PCDHGA10: variants seen among roughly 807,000 people sequenced by gnomAD.
The protein encoded by PCDHGA10 is protocadherin gamma subfamily A, 10.
In PCDHGA10, 42 loss-of-function variants were observed where a neutral mutation model predicts 59.5. The observed-to-expected ratio is 0.71, with a 90% CI of 0.55 to 0.91. PCDHGA10 has a LOEUF of 0.91. PCDHGA10 is among the 40% of genes least tolerant of loss of function. PCDHGA10 has a pLI of 0.00. For synonymous variants in PCDHGA10, 511 were observed against 517.2 expected (o/e 0.99, Z 0.16); for missense variants, 1,111 against 1,198.2 (o/e 0.93, Z 1.07).
At chr5:141,434,070 T>C (rs1004240895) in intron 1 of PCDHGA10, among the ~76,000 whole-genome samples, 3 of 152,226 alleles carry the variant, frequency 2.0e-5, no homozygotes, top group Non-Finnish European at 2.9e-5. Context: ...TCTGTTAATA[T>C]CAATTATTTA....
Position 141,485,835 on chromosome 5 carries a change from C to T in PCDHGA10, c.2437-8972C>T, listed in dbSNP as rs747722740. On this transcript the variant is annotated intron_variant, in intron 1 of 3. Transcript: ENST00000398610. This position sits in a 1 kb window ranked among gnomAD's most constrained non-coding sequence, Gnocchi z 5.7. ...ACTGCTGTCGATGGAGGGAACCCGC[C>T]GAGATCTGGCACCGCAGAGCTCCGG... 6.2e-7 allele frequency: 1 copy of T among 1,614,190 alleles called. No homozygotes were observed. Among genetic ancestry groups the T allele is most frequent in the Non-Finnish European group, 8.5e-7 (1 of 1,180,048 alleles).
intron 1 of PCDHGA10, among the ~76,000 whole-genome samples, chr5:141,444,402 C>A (rs916833331): frequency 6.6e-6 from 1 of 151,932 alleles, no homozygotes; most frequent in Admixed American, 6.6e-5. Flanking sequence ...AACTCCCAAC[C>A]TCAGGTGATC....
At position 141,432,135 on chromosome 5, in the gene PCDHGA10, C is replaced by T; in HGVS notation, c.2436+16524C>T. On this transcript the variant is annotated intron_variant, in intron 1 of 3. Transcript: ENST00000398610. This position sits in a 1 kb window ranked among gnomAD's most constrained non-coding sequence, Gnocchi z 6.0. ...GTCTTCCCTCAGGCCTCCTATTCCGCTTATATCCCAGAGAACAATCCCAGA... is the reference window on the plus strand; with the variant it reads ...GTCTTCCCTCAGGCCTCCTATTCCGTTTATATCCCAGAGAACAATCCCAGA... The T allele has an allele frequency of 6.2e-7, 1 of 1,614,140 alleles. No homozygotes were observed. Among genetic ancestry groups the T allele is most frequent in the Non-Finnish European group, 8.5e-7 (1 of 1,180,026 alleles).
chr5:141,474,135 G>C (rs1032470573), intron 1 of PCDHGA10, among the ~76,000 whole-genome samples: 2 of 152,062 alleles, frequency 1.3e-5, no homozygotes, highest in Admixed American at 1.3e-4. Context: ...GAAAACTACA[G>C]GCCTTATTAT....
In PCDHGA10 at chr5:141,414,114, T is replaced by C. The variant is rs145910780; in HGVS notation, c.939T>C (p.Tyr313=). The C allele has an allele frequency of 2.0e-5, 32 of 1,592,348 alleles. 2 individuals carry two copies. In the East Asian group the frequency reaches 6.3e-4, roughly 32 times the overall value. The part of the protein sequence containing the change: ...GEIKISENLD[Y]EETGFYEIEI... ...TAAAAATATCAGAAAATCTAGATTA[T>C]GAAGAAACCGGTTTCTATGAAATAG... The change falls in exon 1 of 4, where the codon TAT becomes TAC. Residue 313 remains tyrosine (Y), a synonymous_variant. Coordinates refer to ENST00000398610, the MANE Select transcript of PCDHGA10 (RefSeq NM_018913.3).
chr5:141,499,751 A>G (rs1355923543), intron 2 of PCDHGA10, among the ~76,000 whole-genome samples: 2 of 149,258 alleles, frequency 1.3e-5, no homozygotes, highest in Non-Finnish European at 3.0e-5. Flanking sequence ...CTGTGGCACA[A>G]TCTCAGCTCA....
chr5:141,509,550 T>C (rs1562240751), intron 3 of PCDHGA10, among the ~76,000 whole-genome samples: 1 of 152,142 alleles, frequency 6.6e-6, no homozygotes, highest in Non-Finnish European at 1.5e-5. Flanking sequence ...TCTCATTTAG[T>C]CCTCACAGCA....
intron 1 of PCDHGA10, among the ~76,000 whole-genome samples, chr5:141,453,322 G>A (rs897661534): frequency 6.6e-6 from 1 of 151,544 alleles, no homozygotes; most frequent in Non-Finnish European, 1.5e-5. Flanking sequence ...TTTTAGAGAT[G>A]GGGTCTCACT....
Position 141,477,020 on chromosome 5 carries a change from G to C in PCDHGA10, c.2437-17787G>C, listed in dbSNP as rs1383192345. The C allele has an allele frequency of 6.2e-7, 1 of 1,614,224 alleles. No homozygotes were observed. The highest frequency in any genetic ancestry group is 8.5e-7 in the Non-Finnish European group (1 of 1,180,048). On this transcript the variant is annotated intron_variant, in intron 1 of 3. Coordinates refer to ENST00000398610, the MANE Select transcript of PCDHGA10 (RefSeq NM_018913.3). The surrounding 1 kb of genome is among the most constrained non-coding windows in gnomAD (Gnocchi z 4.9). ...ACTATTCGCCTTAGACCTTGTAACC[G>C]GGATGCTGACAATCAAGGGTCGGCT...
intron 1 of PCDHGA10, among the ~76,000 whole-genome samples, chr5:141,429,387 T>TAA (rs11410533): frequency 2.6e-5 from 4 of 151,334 alleles, no homozygotes; most frequent in African/African-American, 4.9e-5. Flanking sequence ...GTTTTTTTTT[T>TAA]AAAAAAAATT....
chr5:141,492,079 G>C (rs1400390407), intron 1 of PCDHGA10: 3 of 486,286 alleles, frequency 6.2e-6, no homozygotes, highest in South Asian at 4.1e-5. Flanking sequence ...CGCCGGCTCC[G>C]GCACGCTTCG....
At chr5:141,435,052 T>C (rs922871138) in intron 1 of PCDHGA10, among the ~76,000 whole-genome samples, 1 of 152,174 alleles carries the variant, frequency 6.6e-6, no homozygotes, top group African/African-American at 2.4e-5. Context: ...CCATTGACCA[T>C]GCAGCAGTTT....
At chr5:141,433,363 CTA>C (rs2097590674) in intron 1 of PCDHGA10, 2 of 463,314 alleles carry the variant, frequency 4.3e-6, no homozygotes, top group African/African-American at 5.6e-5. Flanking sequence ...GTCTGCCTAT[CTA>C]TCTATCTATC....
rs2154586748 is a variant in PCDHGA10 at position 141,491,733 on chromosome 5, T to A, written c.2437-3074T>A. The A allele has an allele frequency of 6.2e-7, 1 of 1,602,698 alleles. No individual in the cohort carries two copies. Among genetic ancestry groups the A allele is most frequent in the Non-Finnish European group, 8.5e-7 (1 of 1,175,258 alleles). On this transcript the variant is annotated intron_variant, in intron 1 of 3. Transcript: ENST00000398610. The surrounding 1 kb of genome is among the most constrained non-coding windows in gnomAD (Gnocchi z 6.9). ...GCTCGGCGCCGCCCCGGGCGACCCC[T>A]GGGGGCGGCACTGGAGAAGCCGCCC...
Position 141,477,486 on chromosome 5 carries a change from C to A in PCDHGA10, c.2437-17321C>A. On this transcript the variant is annotated intron_variant, in intron 1 of 3. Coordinates refer to ENST00000398610, the MANE Select transcript of PCDHGA10 (RefSeq NM_018913.3). This position sits in a 1 kb window ranked among gnomAD's most constrained non-coding sequence, Gnocchi z 4.9. ...GACATCAATGACAACCCTCCACAAT[C>A]TTCTCAATCTTCCTACGACGTTTAC... is the stretch of plus-strand genomic sequence containing the variant. The A allele has an allele frequency of 6.2e-7, 1 of 1,614,170 alleles. No homozygotes were observed. The highest frequency in any genetic ancestry group is 8.5e-7 in the Non-Finnish European group (1 of 1,180,040).
At chr5:141,417,997 G>T in intron 1 of PCDHGA10, 1 of 1,613,872 alleles carries the variant, frequency 6.2e-7, no homozygotes, top group Non-Finnish European at 8.5e-7. Context: ...AGGGCTCGGT[G>T]GTGGGGAACC....
At chr5:141,433,395 C>CTATA (rs1426636882) in intron 1 of PCDHGA10, among the ~76,000 whole-genome samples, 2 of 150,654 alleles carry the variant, frequency 1.3e-5, no homozygotes, top group African/African-American at 4.9e-5. Context: ...ATCTATCTAT[C>CTATA]TATCTATCTA....
At chr5:141,470,112 G>T (rs1186184232) in intron 1 of PCDHGA10, among the ~76,000 whole-genome samples, 1 of 152,104 alleles carries the variant, frequency 6.6e-6, no homozygotes, top group Non-Finnish European at 1.5e-5. Flanking sequence ...CTGAGCAACA[G>T]AGCAAGACTT....
intron 1 of PCDHGA10, among the ~76,000 whole-genome samples, chr5:141,451,644 G>A (rs1730833205): frequency 6.6e-6 from 1 of 152,178 alleles, no homozygotes; most frequent in Non-Finnish European, 1.5e-5. Context: ...CACTCTGAGA[G>A]GCCAAGGAGG....
Sources: gnomAD v4.1 joint callset for allele counts (sites outside exome capture counted in the v4.1 genomes callset) on GRCh38, gnomAD v4.1.1 for gene constraint, Gnocchi (gnomAD v3.1) non-coding constraint, MANE v1.5 for transcripts, NCBI Gene and HGNC (gene_info 2026-07-23, HGNC 2026-07-21) for gene names.